The following NXPH1 variants were observed in gnomAD, a reference collection of about 807,000 sequenced individuals.
NXPH1 encodes neurexophilin 1, also known as neurexophilin-1.
A neutral mutation model predicts 23.7 loss-of-function variants in NXPH1; 5 were observed. The observed-to-expected ratio is 0.21, with a 90% CI of 0.11 to 0.44. NXPH1 has a LOEUF of 0.44. Among genes scored for constraint, NXPH1 ranks in the 20% least tolerant of loss-of-function variants. The probability of loss-of-function intolerance (pLI) is 0.99; values close to 1 mark genes in which losing one functional copy is unlikely to be tolerated. For synonymous variants in NXPH1, 144 were observed against 122.2 expected (o/e 1.18, Z -1.18); for missense variants, 324 against 321.6 (o/e 1.01, Z -0.06).
chr7:8,471,749 T>A (rs1241991975), intron 2 of NXPH1, among the ~76,000 whole-genome samples: 1 of 152,176 alleles, frequency 6.6e-6, no homozygotes, highest in Non-Finnish European at 1.5e-5. Context: ...TGAAAACAAG[T>A]ACGCTATTAC....
chr7:8,608,476 A>G (rs1268478270), intron 2 of NXPH1, among the ~76,000 whole-genome samples: 3 of 152,122 alleles, frequency 2.0e-5, no homozygotes, highest in African/African-American at 7.2e-5. Context: ...AGCTGGGACT[A>G]CAGTGATGTG....
intron 2 of NXPH1, among the ~76,000 whole-genome samples, chr7:8,552,699 TACTC>T (rs957301862): frequency 3.3e-5 from 5 of 151,482 alleles, no homozygotes; most frequent in African/African-American, 4.8e-5. Context: ...CACAGAAAAA[TACTC>T]AGTTTGTTTT....
intron 2 of NXPH1, among the ~76,000 whole-genome samples, chr7:8,476,287 G>T (rs1236945725): frequency 2.0e-5 from 3 of 152,110 alleles, no homozygotes; most frequent in East Asian, 1.9e-4. Flanking sequence ...AGAATGCCCT[G>T]TTCTTTCTCT....
intron 2 of NXPH1, among the ~76,000 whole-genome samples, chr7:8,652,182 CAACA>C (rs1424838833): frequency 2.0e-5 from 3 of 152,088 alleles, no homozygotes; most frequent in African/African-American, 7.2e-5. Flanking sequence ...GAAAAAATTT[CAACA>C]AACAATGAAT....
At chr7:8,557,173 G>A (rs2128620303) in intron 2 of NXPH1, among the ~76,000 whole-genome samples, 1 of 151,738 alleles carries the variant, frequency 6.6e-6, no homozygotes, top group East Asian at 2.0e-4. Context: ...GTGCTTATGG[G>A]ACAGTTGAAA....
At chr7:8,552,190 A>G in intron 2 of NXPH1, among the ~76,000 whole-genome samples, 1 of 151,088 alleles carries the variant, frequency 6.6e-6, no homozygotes, top group East Asian at 2.0e-4. Context: ...AATTTGTAGA[A>G]ATCTGCAGGA....
intron 2 of NXPH1, among the ~76,000 whole-genome samples, chr7:8,669,692 G>A (rs1287448138): frequency 3.3e-5 from 5 of 152,086 alleles, no homozygotes; most frequent in Non-Finnish European, 7.4e-5. Context: ...CCTGGTGTTG[G>A]AGTCCAAGGC....
intron 2 of NXPH1, among the ~76,000 whole-genome samples, chr7:8,678,198 G>C (rs548135191): frequency 9.9e-5 from 15 of 152,264 alleles, no homozygotes; most frequent in African/African-American, 3.1e-4. Context: ...CTATTGTTTA[G>C]TAGCCCAAGG....
chr7:8,437,450 C>T (rs1303682085), intron 2 of NXPH1, among the ~76,000 whole-genome samples: 3 of 152,122 alleles, frequency 2.0e-5, no homozygotes, highest in Non-Finnish European at 2.9e-5. Flanking sequence ...CCCGCTTGCC[C>T]TTTTCCTCTG....
chr7:8,609,256 A>G (rs1220448398), intron 2 of NXPH1, among the ~76,000 whole-genome samples: 1 of 152,154 alleles, frequency 6.6e-6, no homozygotes, highest in African/African-American at 2.4e-5. Flanking sequence ...CAAATAAAAA[A>G]CCCAAAAACA....
At chr7:8,670,224 T>A (rs577234967) in intron 2 of NXPH1, among the ~76,000 whole-genome samples, 1 of 152,202 alleles carries the variant, frequency 6.6e-6, no homozygotes, top group Non-Finnish European at 1.5e-5. Context: ...CTCTCCTAAA[T>A]GTAGATGTCC....
In NXPH1 at chr7:8,649,380, G is replaced by A. The variant is rs114754040; in HGVS notation, c.55-101628G>A. 5.6e-3 allele frequency among the ~76,000 whole-genome samples: 848 copies of A among 151,776 alleles called. 5 individuals carry two copies. The highest frequency in any genetic ancestry group is 0.019 in the African/African-American group (786 of 41,360). ...TTTTTCCATTTATGTTAGGATGTAC[G>A]TTCAAACTACCTACTTTACAAACAT... On this transcript the variant is annotated intron_variant, in intron 2 of 2. Coordinates refer to ENST00000405863, the MANE Select transcript of NXPH1 (RefSeq NM_152745.3).
chr7:8,695,525 C>T (rs184928222), intron 2 of NXPH1, among the ~76,000 whole-genome samples: 25 of 152,256 alleles, frequency 1.6e-4, no homozygotes, highest in African/African-American at 5.3e-4. Flanking sequence ...TATCAGATTG[C>T]CATCATTAGC....
chr7:8,575,015 C>G (rs1241913805), intron 2 of NXPH1, among the ~76,000 whole-genome samples: 1 of 152,098 alleles, frequency 6.6e-6, no homozygotes, highest in Non-Finnish European at 1.5e-5. Context: ...TCGTCGGAGA[C>G]GTTCTGTTAA....
chr7:8,752,489 C>G lies in NXPH1; in HGVS notation c.*720C>G, dbSNP rs951501550. ...GGGCAGACATTGGGATAACAACTTTCATCACCAATCATTGGACTTTTGTGA... is the reference window on the plus strand; with the variant it reads ...GGGCAGACATTGGGATAACAACTTTGATCACCAATCATTGGACTTTTGTGA... On this transcript the variant is annotated 3_prime_UTR_variant, in exon 3 of 3. Transcript: ENST00000405863. 4.6e-5 allele frequency: 7 copies of G among 152,534 alleles called. No homozygotes were observed. Among genetic ancestry groups the G allele is most frequent in the African/African-American group, 1.4e-4 (6 of 41,434 alleles). The allele number at this position is 152,534 out of a possible 1,614,324, so 9.4% of individuals were successfully genotyped here.
intron 2 of NXPH1, among the ~76,000 whole-genome samples, chr7:8,695,336 C>A (rs981800889): frequency 2.0e-5 from 3 of 152,158 alleles, no homozygotes; most frequent in South Asian, 2.1e-4. Context: ...CAAAGCCACA[C>A]AATTAGTGAT....
chr7:8,730,905 A>T (rs1780141332), intron 2 of NXPH1, among the ~76,000 whole-genome samples: 1 of 150,830 alleles, frequency 6.6e-6, no homozygotes, highest in Admixed American at 6.6e-5. Context: ...TAGATTGGGG[A>T]TGTTCTCCTG....
chr7:8,749,264 T>C (rs1780524178), intron 2 of NXPH1, among the ~76,000 whole-genome samples: 1 of 152,190 alleles, frequency 6.6e-6, no homozygotes, highest in Non-Finnish European at 1.5e-5. Context: ...CACAAACTTA[T>C]GAAGTAGATA....
At chr7:8,587,604 T>C (rs1819005101) in intron 2 of NXPH1, among the ~76,000 whole-genome samples, 1 of 152,200 alleles carries the variant, frequency 6.6e-6, no homozygotes, top group East Asian at 1.9e-4. Context: ...TCATCTACAT[T>C]GGGTATTTCT....
Sources: gnomAD v4.1 joint callset for allele counts (sites outside exome capture counted in the v4.1 genomes callset) on GRCh38, gnomAD v4.1.1 for gene constraint, MANE v1.5 for transcripts, NCBI Gene and HGNC (gene_info 2026-07-23, HGNC 2026-07-21) for gene names.